NKPD1: variants seen among roughly 807,000 people sequenced by gnomAD.
The protein encoded by NKPD1 is NTPase KAP family P-loop domain containing 1.
A neutral mutation model predicts 42.2 loss-of-function variants in NKPD1; 37 were observed. The ratio of observed to expected loss-of-function variants is 0.88; its 90% CI spans 0.67 to 1.15. The LOEUF is 1.15. NKPD1 is among the 50% of genes most tolerant of loss of function. The pLI, the probability that NKPD1 is intolerant of heterozygous loss-of-function variation, is 0.00. For missense variants in NKPD1, 1,113 were observed against 1,174.6 expected, an observed-to-expected ratio of 0.95 and a Z score of 0.77; for synonymous variants, 552 against 536.5, an observed-to-expected ratio of 1.03 and a Z score of -0.40.
intron 2 of NKPD1, 135 bp from the exon 3 acceptor site, chr19:45,159,235 T>C: frequency 1.2e-6 from 1 of 830,746 alleles, no homozygotes; most frequent in South Asian, 1.8e-5. Context: ...CCTCAAAAAG[T>C]AAGATTATGT....
rs1478160167 is a variant in NKPD1, at chr19:45,151,716, T to A, written c.*222A>T. 1 of 505,458 alleles carries A rather than the reference T, an allele frequency of 2.0e-6. No homozygotes were observed. Among genetic ancestry groups the A allele is most frequent in the Non-Finnish European group, 3.4e-6 (1 of 289,944 alleles). The allele number at this position is 505,458 out of a possible 1,614,324, so 31.3% of individuals were successfully genotyped here. On this transcript the variant is annotated 3_prime_UTR_variant, in exon 5 of 5. Coordinates refer to ENST00000686631, the MANE Select transcript of NKPD1 (RefSeq NM_198478.4). Reference sequence around the variant, plus strand: ...ACCTCCATTTATTGCATGTATACCCTGACTTCCTCACTGGTCCTTCTGTGC... The same window carrying A: ...ACCTCCATTTATTGCATGTATACCCAGACTTCCTCACTGGTCCTTCTGTGC...
In NKPD1 at chr19:45,158,512, C is replaced by G; in HGVS notation, c.529+151G>C. On this transcript the variant is annotated intron_variant, in intron 3 of 4. Coordinates refer to ENST00000686631, the MANE Select transcript of NKPD1 (RefSeq NM_198478.4). This position sits in a 1 kb window ranked among gnomAD's most constrained non-coding sequence, Gnocchi z 4.6. Reference sequence around the variant, plus strand: ...CAAAGCTGAGGCAGCCAGCCTGAGCCCCATGGCCAGGGACGCACCCCTCCT... The same window carrying G: ...CAAAGCTGAGGCAGCCAGCCTGAGCGCCATGGCCAGGGACGCACCCCTCCT... 1.1e-6 allele frequency: 1 copy of G among 951,062 alleles called. No homozygotes were observed. The highest frequency in any genetic ancestry group is 1.3e-6 in the Non-Finnish European group (1 of 781,314). 58.9% of individuals were successfully genotyped at this position (951,062 alleles called of 1,614,324 possible). A position where few individuals can be genotyped will look rare whatever the true frequency, so the allele number is the denominator to read the frequency against.
chr19:45,152,663 C>T lies in NKPD1; in HGVS notation c.1774G>A (p.Glu592Lys). 1.1e-5 allele frequency: 17 copies of T among 1,543,706 alleles called. No homozygotes were observed. The highest frequency in any genetic ancestry group is 1.5e-5 in the Non-Finnish European group (17 of 1,152,838). The stretch of plus-strand genomic sequence containing the variant: ...GCCTCCTGGATTCGCCGCGCCGCCT[C>T]GTCGTCGATGCGGCCCTGCCCGCGC... Reference protein sequence around the residue: ...TERGQGRIDDEAARRIQEALF... With the variant: ...TERGQGRIDDKAARRIQEALF... The change falls in exon 5 of 5, where the codon GAG (glutamate) becomes AAG (lysine). Residue 592 changes from glutamate (E) to lysine (K), a missense_variant. Coordinates refer to ENST00000686631, the MANE Select transcript of NKPD1 (RefSeq NM_198478.4).
rs945015439 is a variant in NKPD1, at chr19:45,151,189, G to C, written c.*749C>G. On this transcript the variant is annotated 3_prime_UTR_variant, in exon 5 of 5. Coordinates refer to ENST00000686631, the MANE Select transcript of NKPD1 (RefSeq NM_198478.4). ...CTGTCCTCATCAGGGGGCTGATGCA[G>C]TGGCTTCAGTGTCAGTGACTAACCA... 3.3e-5 allele frequency: 5 copies of C among 152,470 alleles called. No homozygotes were observed. Among genetic ancestry groups the C allele is most frequent in the Non-Finnish European group, 5.9e-5 (4 of 68,230 alleles). 9.4% of individuals were successfully genotyped at this position (152,470 alleles called of 1,614,324 possible).
Position 45,152,151 on chromosome 19 carries a change from C to T in NKPD1, c.2286G>A (p.Ala762=), listed in dbSNP as rs368632347. The T allele has an allele frequency of 4.4e-5, 70 of 1,598,386 alleles. No homozygotes were observed. The African/African-American group carries it at 8.2e-4, about 19-fold the overall frequency. The change falls in exon 5 of 5, where the codon GCG becomes GCA. Residue 762 remains alanine, a synonymous_variant. Transcript: ENST00000686631. The part of the protein sequence containing the change: ...RRMGLIRAVS[A]LKPPSPPKSP... ...ACTTGGGCGGGCTGGGCGGCTTGAG[C>T]GCGCTGACGGCTCGGATGAGACCCA...
intron 4 of NKPD1, 65 bp from the exon 5 acceptor site, chr19:45,153,840 C>A (rs1353013719): frequency 7.2e-7 from 1 of 1,387,154 alleles, no homozygotes; most frequent in African/African-American, 1.5e-5. Flanking sequence ...GGGCCTAGTA[C>A]GGGCAGGGCG....
Position 45,159,120 on chromosome 19 carries a change from G to A in NKPD1, c.92-20C>T, listed in dbSNP as rs1322193458. On this transcript the variant is annotated intron_variant, in intron 2 of 4. Coordinates refer to ENST00000686631, the MANE Select transcript of NKPD1 (RefSeq NM_198478.4). ...AGCATCCTGGAAGGAAGGAAGTGGGGGTGACTGGGCCTGTGTCCCCGACCC... is the reference window on the plus strand; with the variant it reads ...AGCATCCTGGAAGGAAGGAAGTGGGAGTGACTGGGCCTGTGTCCCCGACCC... 5.5e-6 allele frequency: 7 copies of A among 1,267,292 alleles called. No homozygotes were observed. Among genetic ancestry groups the A allele is most frequent in the Non-Finnish European group, 7.1e-6 (7 of 980,026 alleles). 78.5% of individuals were successfully genotyped at this position (1,267,292 alleles called of 1,614,324 possible). A position where few individuals can be genotyped will look rare whatever the true frequency, so the allele number is the denominator to read the frequency against.
chr19:45,159,350 C>T (rs1417050115), intron 2 of NKPD1, among the ~76,000 whole-genome samples: 14 of 152,106 alleles, frequency 9.2e-5, no homozygotes, highest in Admixed American at 5.2e-4. Flanking sequence ...AGAGAGAGGA[C>T]GCCTGAGGTT....
chr19:45,155,997 A>G (rs770256284), intron 3 of NKPD1, 81 bp from the exon 4 acceptor site: 379 of 1,223,906 alleles, frequency 3.1e-4, no homozygotes, highest in Non-Finnish European at 3.8e-4. Flanking sequence ...CATGGCCCCC[A>G]CTATCAGCCC....
In NKPD1 at chr19:45,152,108, G is replaced by A. The variant is rs1236038883; in HGVS notation, c.2329C>T (p.Pro777Ser). The change falls in exon 5 of 5, where the codon CCC becomes TCC. Residue 777 changes from proline to serine, a missense_variant. Around this residue, in one of 3 missense-constraint regions of NKPD1, gnomAD observed 867 missense variants for 870.1 expected, o/e 1.00. Coordinates refer to ENST00000686631, the MANE Select transcript of NKPD1 (RefSeq NM_198478.4). ...CTGTTGGCCCGGTGGGCAGCGTGGG[G>A]GGTATCGCGGGTAGGGGACTTGGGC... ...SPPKSPTRDT[P>S]HAAHRANSAS... The A allele has an allele frequency of 8.7e-6, 14 of 1,604,884 alleles. No individual in the cohort carries two copies. The highest frequency in any genetic ancestry group is 1.2e-5 in the Non-Finnish European group (14 of 1,176,860).
Position 45,153,201 on chromosome 19 carries a change from C to T in NKPD1, c.1236G>A (p.Glu412=). Residue 412 remains glutamate, a synonymous_variant, in exon 5 of 5, where the codon GAG becomes GAA. Transcript: ENST00000686631. ...HLFVSQRKKI[E]RLVSREKFGS... ...CGAACTTTTCACGCGACACCAGCCG[C>T]TCGATCTTCTTGCGCTGGCTTACGA... 6.3e-7 allele frequency: 1 copy of T among 1,591,362 alleles called. No homozygotes were observed. The highest frequency in any genetic ancestry group is 8.6e-7 in the Non-Finnish European group (1 of 1,169,570).
chr19:45,152,597 A>T lies in NKPD1; in HGVS notation c.1840T>A (p.Tyr614Asn). ...LHDERDCLYEYVPDNVVSMRR... is the reference protein window; with the variant it reads ...LHDERDCLYENVPDNVVSMRR... ...ATGGACACCACGTTGTCGGGCACGT[A>T]CTCGTAGAGGCAGTCGCGCTCGTCG... Residue 614 changes from tyrosine (Y) to asparagine (N), a missense_variant, in exon 5 of 5, where the codon TAC becomes AAC. Transcript: ENST00000686631. The T allele has an allele frequency of 6.3e-7, 1 of 1,584,316 alleles. No homozygotes were observed. Among genetic ancestry groups the T allele is most frequent in the Non-Finnish European group, 8.5e-7 (1 of 1,174,736 alleles).
In NKPD1 at chr19:45,155,753, C is replaced by T. The variant is rs191801974; in HGVS notation, c.661+32G>A. The T allele has an allele frequency of 7.8e-6, 10 of 1,283,478 alleles. No individual in the cohort carries two copies. In the Admixed American group the frequency reaches 1.6e-4, roughly 21 times the overall value. 79.5% of individuals were successfully genotyped at this position (1,283,478 alleles called of 1,614,324 possible). A position where few individuals can be genotyped will look rare whatever the true frequency, so the allele number is the denominator to read the frequency against. On this transcript the variant is annotated intron_variant, in intron 4 of 4. Transcript: ENST00000686631. The stretch of plus-strand genomic sequence containing the variant: ...GGGGACCAGAGGCCCTGTTTCTCAT[C>T]CTCCCCCCAACAAACACACACAGCT...
chr19:45,152,629 C>A lies in NKPD1; in HGVS notation c.1808G>T (p.Cys603Phe). 6.4e-7 allele frequency: 1 copy of A among 1,569,846 alleles called. No individual in the cohort carries two copies. Among genetic ancestry groups the A allele is most frequent in the Non-Finnish European group, 8.6e-7 (1 of 1,168,204 alleles). ...GAGGCAGTCGCGCTCGTCGTGAAGGCAGAAGAGCGCCTCCTGGATTCGCCG... is the reference window on the plus strand; with the variant it reads ...GAGGCAGTCGCGCTCGTCGTGAAGGAAGAAGAGCGCCTCCTGGATTCGCCG... Reference protein sequence around the residue: ...AARRIQEALFCLHDERDCLYE... With the variant: ...AARRIQEALFFLHDERDCLYE... Residue 603 changes from cysteine to phenylalanine, a missense_variant, in exon 5 of 5, where the codon TGC (cysteine) becomes TTC (phenylalanine). By Grantham distance (205) the Cys-to-Phe change is radical. Coordinates refer to ENST00000686631, the MANE Select transcript of NKPD1 (RefSeq NM_198478.4).
intron 1 of NKPD1, among the ~76,000 whole-genome samples, 185 bp from the exon 2 acceptor site, chr19:45,160,406 C>T (rs916829418): frequency 1.1e-4 from 17 of 152,040 alleles, no homozygotes; most frequent in Admixed American, 6.6e-4. Flanking sequence ...AACGGAGAAC[C>T]GCTGGGGTTG....
rs780236431 is a variant in NKPD1, at chr19:45,152,777, G to A, written c.1660C>T (p.Arg554Cys). The stretch of plus-strand genomic sequence containing the variant: ...AGCCACGGCTTGCGCGTCATCTCGC[G>A]GTACAACAGGTCGTCGCGGCTCTGC... Reference protein sequence around the residue: ...AVQSRDDLLYREMTRKPWLPG... With the variant: ...AVQSRDDLLYCEMTRKPWLPG... The change falls in exon 5 of 5, where the codon CGC (arginine) becomes TGC (cysteine). Residue 554 changes from arginine (R) to cysteine (C), a missense_variant. Around this residue, in one of 3 missense-constraint regions of NKPD1, gnomAD observed 867 missense variants for 870.1 expected, o/e 1.00. Coordinates refer to ENST00000686631, the MANE Select transcript of NKPD1 (RefSeq NM_198478.4). 1.3e-6 allele frequency: 2 copies of A among 1,599,974 alleles called. No homozygotes were observed. Among genetic ancestry groups the A allele is most frequent in the East Asian group, 2.3e-5 (1 of 43,834 alleles).
rs1182189656 is a variant in NKPD1 at position 45,160,202 on chromosome 19, A to G, written c.-52T>C. The stretch of plus-strand genomic sequence containing the variant: ...GCCTGCTCCTGAGGCAGGAGGGAGC[A>G]CACAGGCTTGGCGTAGCCTCTGGGG... On this transcript the variant is annotated 5_prime_UTR_variant, in exon 2 of 5. Coordinates refer to ENST00000686631, the MANE Select transcript of NKPD1 (RefSeq NM_198478.4). The G allele has an allele frequency of 3.4e-6, 4 of 1,164,704 alleles. No individual in the cohort carries two copies. In the African/African-American group the frequency reaches 6.3e-5, roughly 18 times the overall value. 72.1% of individuals were successfully genotyped at this position (1,164,704 alleles called of 1,614,324 possible).
chr19:45,156,505 G>A (rs1490939449), intron 3 of NKPD1, among the ~76,000 whole-genome samples: 1 of 152,214 alleles, frequency 6.6e-6, no homozygotes, highest in Non-Finnish European at 1.5e-5. Context: ...CAGACCCCAG[G>A]GAGAGCCACC....
Position 45,152,059 on chromosome 19 carries a change from C to G in NKPD1, c.2378G>C (p.Gly793Ala). ...TTCGCCGGCTTGCCCTGAGGCACGG[C>G]CCGACGGGGGCGCCCTGGAGGCGCT... ...ANSASRAPPSGRASGQAGEGH... is the reference protein window; with the variant it reads ...ANSASRAPPSARASGQAGEGH... Residue 793 changes from glycine to alanine, a missense_variant, in exon 5 of 5, where the codon GGC (glycine) becomes GCC (alanine). Gly to Ala is a moderately conservative substitution (Grantham distance 60, BLOSUM62 0). This residue lies in a region of NKPD1 where 867 missense variants were observed against 870.1 expected (regional missense o/e 1.00). Coordinates refer to ENST00000686631, the MANE Select transcript of NKPD1 (RefSeq NM_198478.4). 1 of 1,608,402 alleles carries G rather than the reference C, an allele frequency of 6.2e-7. No individual in the cohort carries two copies. The highest frequency in any genetic ancestry group is 8.5e-7 in the Non-Finnish European group (1 of 1,178,004).
Sources: gnomAD v4.1 joint callset for allele counts (sites outside exome capture counted in the v4.1 genomes callset) on GRCh38, gnomAD v4.1.1 for gene constraint, gnomAD v4.1.1 regional missense constraint, Gnocchi (gnomAD v3.1) non-coding constraint, MANE v1.5 for transcripts, NCBI Gene and HGNC (gene_info 2026-07-23, HGNC 2026-07-21) for gene names.